KIF6: variants seen among roughly 807,000 people sequenced by gnomAD.
KIF6 encodes kinesin-like protein KIF6.
In KIF6, 106 loss-of-function variants were observed where a neutral mutation model predicts 112.7. The ratio of observed to expected loss-of-function variants is 0.94; its 90% CI spans 0.80 to 1.11. KIF6 has a LOEUF of 1.11. Ranked by LOEUF, KIF6 falls within the 50% of genes least tolerant of loss-of-function variation. The pLI, the probability that KIF6 is intolerant of heterozygous loss-of-function variation, is 0.00. For missense variants in KIF6, 929 were observed against 964.0 expected, an observed-to-expected ratio of 0.96 and a Z score of 0.48; for synonymous variants, 339 against 339.9, an observed-to-expected ratio of 1.00 and a Z score of 0.03.
In KIF6 at chr6:39,557,045, C is replaced by T. The variant is rs571701198; in HGVS notation, c.1182-11357G>A. ...TGGTTTATATATGAAAATGCAGAAC[C>T]TACATACATATGCACATATATATGT... On this transcript the variant is annotated intron_variant, in intron 10 of 22. Transcript: ENST00000287152. 4.4e-3 allele frequency among the ~76,000 whole-genome samples: 667 copies of T among 151,730 alleles called. 4 individuals are homozygous for T. Among genetic ancestry groups the T allele is most frequent in the African/African-American group, 0.015 (621 of 41,374 alleles).
At chr6:39,386,659 G>T (rs920473596) in intron 15 of KIF6, among the ~76,000 whole-genome samples, 1 of 151,962 alleles carries the variant, frequency 6.6e-6, no homozygotes, top group African/African-American at 2.4e-5. Flanking sequence ...CCATCTGTTG[G>T]GTTGTTAGAG....
chr6:39,711,810 A>T (rs1430850923), intron 3 of KIF6, among the ~76,000 whole-genome samples: 3 of 152,214 alleles, frequency 2.0e-5, no homozygotes, highest in African/African-American at 7.2e-5. Flanking sequence ...TTCAGACAGA[A>T]ATATCAGTTG....
At chr6:39,556,504 G>T (rs1035974153) in intron 10 of KIF6, among the ~76,000 whole-genome samples, 2 of 152,186 alleles carry the variant, frequency 1.3e-5, no homozygotes, top group African/African-American at 4.8e-5. Flanking sequence ...GTGTAGTAGA[G>T]AGATAGCTAC....
At chr6:39,473,663 G>A (rs532082576) in intron 13 of KIF6, among the ~76,000 whole-genome samples, 1 of 152,218 alleles carries the variant, frequency 6.6e-6, no homozygotes, top group East Asian at 1.9e-4. Flanking sequence ...TTGGAGGCAG[G>A]GGGCTGTTTT....
chr6:39,387,607 C>T (rs1767533897), intron 15 of KIF6, among the ~76,000 whole-genome samples: 2 of 152,152 alleles, frequency 1.3e-5, no homozygotes, highest in South Asian at 4.2e-4. Context: ...GAAACTTGAC[C>T]CAATGATGAG....
intron 16 of KIF6, among the ~76,000 whole-genome samples, chr6:39,385,032 C>A (rs1398485572): frequency 6.6e-6 from 1 of 152,208 alleles, no homozygotes; most frequent in Non-Finnish European, 1.5e-5. Flanking sequence ...GCGGGTTGAT[C>A]ATTGCAGTGG....
At chr6:39,514,904 A>G (rs1776988597) in intron 13 of KIF6, among the ~76,000 whole-genome samples, 1 of 152,224 alleles carries the variant, frequency 6.6e-6, no homozygotes, top group African/African-American at 2.4e-5. Flanking sequence ...AAAGACCAGC[A>G]TTGTTTTCAC....
chr6:39,598,732 T>C (rs561007207), intron 6 of KIF6, among the ~76,000 whole-genome samples: 2 of 152,206 alleles, frequency 1.3e-5, no homozygotes, highest in African/African-American at 4.8e-5. Flanking sequence ...AGTAGACATC[T>C]GTGGCAGAAA....
chr6:39,652,161 A>C (rs1236531456), intron 3 of KIF6, among the ~76,000 whole-genome samples: 1 of 152,200 alleles, frequency 6.6e-6, no homozygotes, highest in Admixed American at 6.5e-5. Flanking sequence ...ATATCCTACT[A>C]TTAGCTTATG....
chr6:39,437,127 G>T (rs901747074), intron 13 of KIF6, among the ~76,000 whole-genome samples: 7 of 151,768 alleles, frequency 4.6e-5, no homozygotes, highest in African/African-American at 1.5e-4. Context: ...ATTTTTTGTG[G>T]CTATTGTAAA....
intron 3 of KIF6, among the ~76,000 whole-genome samples, chr6:39,680,957 C>T (rs1787475763): frequency 1.3e-5 from 2 of 151,922 alleles, no homozygotes. Context: ...AATACAATTA[C>T]AATATGATAA....
rs1404614706 is a variant in KIF6 at position 39,699,655 on chromosome 6, G to C, written c.251+15037C>G. 2.0e-5 allele frequency among the ~76,000 whole-genome samples: 3 copies of C among 152,022 alleles called. No individual in the cohort carries two copies. The East Asian group carries it at 5.8e-4, about 29-fold the overall frequency. ...AAAGTAGAGGAAAAGTGCTGTTAAA[G>C]GTACCAAAATATAAAACTTTTTCCC... On this transcript the variant is annotated intron_variant, in intron 3 of 22. Transcript: ENST00000287152.
At position 39,345,682 on chromosome 6, in the gene KIF6, C is replaced by T. The variant is rs1763650976; in HGVS notation, c.2321+18G>A. ...ACTGCAGGGGCTGTCACAGGCATAA[C>T]AGGAGAAGACCACAGACCTGTCTTC... On this transcript the variant is annotated intron_variant, in intron 21 of 22. Transcript: ENST00000287152. The T allele has an allele frequency of 3.1e-6, 5 of 1,606,544 alleles. No individual in the cohort carries two copies. The highest frequency in any genetic ancestry group is 4.3e-6 in the Non-Finnish European group (5 of 1,175,706).
At chr6:39,435,135 T>C (rs950402811) in intron 13 of KIF6, among the ~76,000 whole-genome samples, 1 of 152,122 alleles carries the variant, frequency 6.6e-6, no homozygotes, top group Non-Finnish European at 1.5e-5. Flanking sequence ...CCAGGGAAAG[T>C]AGGCCTGACA....
intron 13 of KIF6, among the ~76,000 whole-genome samples, chr6:39,452,179 C>T (rs1772742846): frequency 6.6e-6 from 1 of 152,124 alleles, no homozygotes; most frequent in South Asian, 2.1e-4. Flanking sequence ...ATACCAAGGG[C>T]TTGGGGCCCC....
chr6:39,445,676 T>G (rs963875367), intron 13 of KIF6, among the ~76,000 whole-genome samples: 3 of 152,064 alleles, frequency 2.0e-5, no homozygotes, highest in Non-Finnish European at 4.4e-5. Context: ...AAGCGGGTGG[T>G]CAGATTGCAG....
chr6:39,359,723 C>CTGAGTA (rs1205516929), intron 18 of KIF6, among the ~76,000 whole-genome samples: 1 of 152,082 alleles, frequency 6.6e-6, no homozygotes. Context: ...GTAGCTGAGA[C>CTGAGTA]TATAGGCACA....
chr6:39,382,959 T>A lies in KIF6; in HGVS notation c.1861+2663A>T, dbSNP rs181496993. On this transcript the variant is annotated intron_variant, in intron 16 of 22. Coordinates refer to ENST00000287152, the MANE Select transcript of KIF6 (RefSeq NM_145027.6). ...GTTTTGTATGTTTTTTGGCCACTTG[T>A]ATGTCTTCTTTTGAGAAGTGTCTGT... Among the ~76,000 whole-genome samples the A allele has an allele frequency of 1.7e-4, 26 of 151,638 alleles. 1 individual carries two copies. Among genetic ancestry groups the A allele is most frequent in the African/African-American group, 6.3e-4 (26 of 41,030 alleles).
chr6:39,480,706 A>AT (rs890853291), intron 13 of KIF6, among the ~76,000 whole-genome samples: 7 of 151,836 alleles, frequency 4.6e-5, no homozygotes, highest in Non-Finnish European at 8.8e-5. Flanking sequence ...TGTGTTGGTA[A>AT]TTTTTTTATT....
Sources: gnomAD v4.1 joint callset for allele counts (sites outside exome capture counted in the v4.1 genomes callset) on GRCh38, gnomAD v4.1.1 for gene constraint, MANE v1.5 for transcripts, NCBI Gene and HGNC (gene_info 2026-07-23, HGNC 2026-07-21) for gene names.